Variants in ZDHHC7 observed in about 807,000 individuals in gnomAD.
ZDHHC7 encodes the protein zDHHC palmitoyltransferase 7.
A neutral mutation model predicts 34.1 loss-of-function variants in ZDHHC7; 12 were observed. The observed-to-expected ratio is 0.35, with a 90% CI of 0.23 to 0.57. The LOEUF (loss-of-function observed/expected upper bound fraction) is 0.57, where lower values mean the gene tolerates loss of function less well. Among genes scored for constraint, ZDHHC7 ranks in the 20% least tolerant of loss-of-function variants. The pLI is 0.84. For missense variants in ZDHHC7, 388 were observed against 402.7 expected (o/e 0.96, Z 0.31); for synonymous variants, 185 against 155.4 (o/e 1.19, Z -1.42).
chr16:84,976,595 C>T (rs1050366833), intron 7 of ZDHHC7, 76 bp from the exon 8 acceptor site: 21 of 1,545,106 alleles, frequency 1.4e-5, no homozygotes, highest in Admixed American at 4.2e-5. Context: ...AGAATCACAC[C>T]GTGCTCAAGC....
At chr16:85,002,210 C>T (rs867980758) in intron 1 of ZDHHC7, among the ~76,000 whole-genome samples, 2 of 152,172 alleles carry the variant, frequency 1.3e-5, no homozygotes, top group South Asian at 2.1e-4. Flanking sequence ...CCGAGGAATG[C>T]CTGTGGCTCC....
chr16:84,982,048 C>T, intron 3 of ZDHHC7, 54 bp from the exon 4 acceptor site: 1 of 1,607,136 alleles, frequency 6.2e-7, no homozygotes, highest in Non-Finnish European at 8.5e-7. Context: ...TTAAAAACAT[C>T]AGGCCGGGCG....
At chr16:85,027,221 A>G in the ZDHHC7 span, among the ~76,000 whole-genome samples, 3 of 152,190 alleles carry the variant, frequency 2.0e-5, no homozygotes, top group Admixed American at 6.5e-5. Flanking sequence ...CAAGCCGGAC[A>G]TTTTTCTTTT....
intron 2 of ZDHHC7, among the ~76,000 whole-genome samples, chr16:84,992,890 G>GA (rs2072529442): frequency 6.6e-6 from 1 of 152,110 alleles, no homozygotes. Context: ...AACATTTGCC[G>GA]AATGAACATG....
At chr16:84,985,730 G>A (rs895096393) in intron 3 of ZDHHC7, among the ~76,000 whole-genome samples, 9 of 151,922 alleles carry the variant, frequency 5.9e-5, no homozygotes, top group African/African-American at 1.5e-4. Flanking sequence ...CGAGGCAGGC[G>A]GATCACTTGA....
intron 1 of ZDHHC7, among the ~76,000 whole-genome samples, chr16:85,007,885 G>A (rs942864046): frequency 2.0e-5 from 3 of 152,000 alleles, no homozygotes; most frequent in East Asian, 1.9e-4. Context: ...GCCTCCGGGC[G>A]GCCAAGGCAG....
chr16:84,978,650 G>A (rs2072328814), intron 5 of ZDHHC7, among the ~76,000 whole-genome samples: 1 of 152,066 alleles, frequency 6.6e-6, no homozygotes, highest in South Asian at 2.1e-4. Flanking sequence ...ATCGCCTGAG[G>A]TCGGGAGTTC....
intron 4 of ZDHHC7, among the ~76,000 whole-genome samples, chr16:84,979,949 C>CT (rs561019555): frequency 0.013 from 1,274 of 95,940 alleles, 9 homozygotes; most frequent in African/African-American, 0.021. Context: ...ATAGCGTCAC[C>CT]TTTTTTTTTT....
chr16:85,005,782 C>G (rs1270078155), intron 1 of ZDHHC7, among the ~76,000 whole-genome samples: 1 of 152,206 alleles, frequency 6.6e-6, no homozygotes, highest in Non-Finnish European at 1.5e-5. Context: ...CAGTGTTTCC[C>G]GGTGAACCAA....
intron 2 of ZDHHC7, among the ~76,000 whole-genome samples, chr16:84,995,333 T>C (rs895930965): frequency 1.3e-5 from 2 of 152,156 alleles, no homozygotes; most frequent in African/African-American, 4.8e-5. Flanking sequence ...AAGCAAAAAC[T>C]TTCCGTTTCA....
intron 1 of ZDHHC7, among the ~76,000 whole-genome samples, chr16:84,998,551 C>T (rs888383371): frequency 6.6e-5 from 10 of 152,052 alleles, no homozygotes; most frequent in African/African-American, 1.7e-4. Flanking sequence ...CCCGATAACC[C>T]GAGATGGCTC....
the ZDHHC7 span, among the ~76,000 whole-genome samples, chr16:85,022,926 A>G: frequency 1.1e-3 from 167 of 152,298 alleles, 4 homozygotes; most frequent in South Asian, 0.018. Flanking sequence ...CTCTTAGTCA[A>G]TATCAGTGTC....
intron 3 of ZDHHC7, among the ~76,000 whole-genome samples, chr16:84,986,441 GC>G (rs1416416854): frequency 6.6e-6 from 1 of 152,204 alleles, no homozygotes; most frequent in African/African-American, 2.4e-5. Flanking sequence ...CCCCATGAAG[GC>G]TACCTCCGGA....
In ZDHHC7 at chr16:84,998,645, C is replaced by T. The variant is rs553205490; in HGVS notation, c.-103-2638G>A. Among the ~76,000 whole-genome samples the T allele has an allele frequency of 3.9e-5, 6 of 152,258 alleles. No homozygotes were observed. In the South Asian group the frequency reaches 1.0e-3, roughly 26 times the overall value. Reference sequence around the variant, plus strand: ...GTGCCCATCACACCGACTGCAAGATCCCTCAGGGGTCGCTTTTCCCTCAAG... The same window carrying T: ...GTGCCCATCACACCGACTGCAAGATTCCTCAGGGGTCGCTTTTCCCTCAAG... On this transcript the variant is annotated intron_variant, in intron 1 of 7. Transcript: ENST00000313732.
intron 2 of ZDHHC7, among the ~76,000 whole-genome samples, chr16:84,994,333 T>G (rs1272050423): frequency 6.6e-6 from 1 of 152,228 alleles, no homozygotes; most frequent in Non-Finnish European, 1.5e-5. Context: ...TCGTTATCTG[T>G]GGGCCCAGGT....
the ZDHHC7 span, among the ~76,000 whole-genome samples, chr16:85,026,404 G>C: frequency 1.8e-3 from 280 of 152,170 alleles, 1 homozygote; most frequent in African/African-American, 6.2e-3. Context: ...ACACCAAGCT[G>C]GAGACACCCT....
At chr16:84,979,465 G>A (rs906671213) in intron 4 of ZDHHC7, 180 bp from the exon 5 acceptor site, 21 of 652,856 alleles carry the variant, frequency 3.2e-5, no homozygotes, top group Non-Finnish European at 4.0e-5. Context: ...AATGTCTTCC[G>A]TTTCCTAAGG....
At chr16:84,997,457 G>T (rs940237305) in intron 1 of ZDHHC7, among the ~76,000 whole-genome samples, 3 of 150,714 alleles carry the variant, frequency 2.0e-5, no homozygotes, top group Admixed American at 2.0e-4. Context: ...ATTTTTAGTA[G>T]AGACGTGGTT....
intron 1 of ZDHHC7, among the ~76,000 whole-genome samples, chr16:85,010,311 G>C (rs1323105460): frequency 1.3e-5 from 2 of 152,066 alleles, no homozygotes; most frequent in Non-Finnish European, 2.9e-5. Flanking sequence ...CATGAGCCAC[G>C]AGCCACCGCG....
Sources: allele counts gnomAD v4.1 joint callset (sites outside exome capture counted in the v4.1 genomes callset), GRCh38; gene constraint gnomAD v4.1.1; transcripts MANE v1.5; gene names NCBI Gene and HGNC (gene_info 2026-07-23, HGNC 2026-07-21).